Variants in PAPPA2 observed in about 807,000 individuals in gnomAD.
PAPPA2 encodes pappalysin-2.
A neutral mutation model predicts 176.4 loss-of-function variants in PAPPA2; 86 were observed. That is an observed-to-expected ratio of 0.49 (90% CI 0.41 to 0.58). The LOEUF (loss-of-function observed/expected upper bound fraction) is 0.58, where lower values mean the gene tolerates loss of function less well. PAPPA2 is among the 20% of genes least tolerant of loss of function. The probability of loss-of-function intolerance (pLI) is 0.00; values close to 1 mark genes in which losing one functional copy is unlikely to be tolerated. For synonymous variants in PAPPA2, 809 were observed against 852.2 expected (o/e 0.95, Z 0.88); for missense variants, 2,073 against 2,256.9 (o/e 0.92, Z 1.65).
intron 8 of PAPPA2, 53 bp downstream of exon 8, chr1:176,699,642 T>A (rs1205370447): frequency 5.6e-5 from 86 of 1,529,688 alleles, no homozygotes; most frequent in Non-Finnish European, 7.0e-5. Context: ...GGGTGGGTTT[T>A]GTTACTTTTC....
rs1367188169 is a variant in PAPPA2 at position 176,555,622 on chromosome 1, C to T, written c.-701C>T. On this transcript the variant is annotated 5_prime_UTR_variant, in exon 2 of 23. Transcript: ENST00000367662. ...GACAGACTGGAGGCTGGATGGGGAC[C>T]TGGCTGAAGACATCTGGAGAATGAA... The T allele has an allele frequency of 6.6e-6, 1 of 152,188 alleles. No individual in the cohort carries two copies. Among genetic ancestry groups the T allele is most frequent in the Admixed American group, 6.5e-5 (1 of 15,272 alleles). 9.4% of individuals were successfully genotyped at this position (152,188 alleles called of 1,614,324 possible).
At chr1:176,755,859 T>A (rs1179043821) in intron 14 of PAPPA2, among the ~76,000 whole-genome samples, 3 of 152,232 alleles carry the variant, frequency 2.0e-5, no homozygotes, top group Non-Finnish European at 4.4e-5. Context: ...TTAACACATA[T>A]TTGATATATC....
chr1:176,790,192 A>G (rs1410302362), intron 18 of PAPPA2, among the ~76,000 whole-genome samples: 3 of 152,190 alleles, frequency 2.0e-5, no homozygotes, highest in Non-Finnish European at 4.4e-5. Flanking sequence ...TGAGGTAAGA[A>G]GAATCCAATG....
At chr1:176,715,319 C>T (rs1219428340) in intron 12 of PAPPA2, among the ~76,000 whole-genome samples, 1 of 152,170 alleles carries the variant, frequency 6.6e-6, no homozygotes, top group African/African-American at 2.4e-5. Flanking sequence ...TAGGCCTTCT[C>T]CTGAATCAAA....
At chr1:176,590,744 T>C (rs1302640096) in intron 2 of PAPPA2, among the ~76,000 whole-genome samples, 1 of 152,184 alleles carries the variant, frequency 6.6e-6, no homozygotes, top group Non-Finnish European at 1.5e-5. Flanking sequence ...ATACAGCATG[T>C]AAGTGGTAGA....
intron 4 of PAPPA2, among the ~76,000 whole-genome samples, chr1:176,679,954 T>C (rs1659500928): frequency 6.6e-6 from 1 of 152,168 alleles, no homozygotes; most frequent in Non-Finnish European, 1.5e-5. Context: ...CTCCATAGAT[T>C]TGTGTGGATT....
chr1:176,629,667 G>T (rs1433095756), intron 3 of PAPPA2, among the ~76,000 whole-genome samples: 1 of 152,130 alleles, frequency 6.6e-6, no homozygotes, highest in East Asian at 1.9e-4. Context: ...TGGGTCTTAT[G>T]ATATAGGTTT....
rs376468856 is a variant in PAPPA2 at position 176,789,856 on chromosome 1, G to A, written c.4763G>A (p.Gly1588Asp). ...QCLEGGIWEQ[G>D]SCIPVVCEPP... ...CTGGAAGGTGGAATCTGGGAGCAAG[G>A]CAGCTGCATTCCTGTGGTGTGTGAG... Residue 1588 changes from glycine (G) to aspartate (D), a missense_variant, in exon 18 of 23, where the codon GGC becomes GAC. This residue lies in a region of PAPPA2 where 846 missense variants were observed against 857.9 expected (regional missense o/e 0.99). Coordinates refer to ENST00000367662, the MANE Select transcript of PAPPA2 (RefSeq NM_020318.3). 3 of 1,614,090 alleles carry A rather than the reference G, an allele frequency of 1.9e-6. No homozygotes were observed. The highest frequency in any genetic ancestry group is 2.5e-6 in the Non-Finnish European group (3 of 1,179,986).
intron 12 of PAPPA2, among the ~76,000 whole-genome samples, chr1:176,714,462 CT>C (rs1339528688): frequency 6.6e-6 from 1 of 151,826 alleles, no homozygotes; most frequent in African/African-American, 2.4e-5. Flanking sequence ...GGAAGGGCCC[CT>C]ATCAGGTATT....
chr1:176,513,474 C>T (rs1008091076), intron 1 of PAPPA2, among the ~76,000 whole-genome samples: 2 of 152,110 alleles, frequency 1.3e-5, no homozygotes, highest in Non-Finnish European at 2.9e-5. Flanking sequence ...TCCCTCCCTG[C>T]TTCTCACTTG....
intron 10 of PAPPA2, among the ~76,000 whole-genome samples, chr1:176,708,888 T>A (rs1183574727): frequency 6.6e-6 from 1 of 152,082 alleles, no homozygotes; most frequent in African/African-American, 2.4e-5. Flanking sequence ...TATACCTAGG[T>A]GTTGTTATTT....
intron 21 of PAPPA2, among the ~76,000 whole-genome samples, chr1:176,800,545 T>G (rs1665639807): frequency 6.6e-6 from 1 of 152,198 alleles, no homozygotes; most frequent in South Asian, 2.1e-4. Flanking sequence ...TTAGGATTTT[T>G]ACATAAAATT....
At chr1:176,486,512 T>G (rs2102487188) in intron 1 of PAPPA2, among the ~76,000 whole-genome samples, 1 of 152,194 alleles carries the variant, frequency 6.6e-6, no homozygotes, top group Non-Finnish European at 1.5e-5. Context: ...GTTACTGAGA[T>G]TTGGAAGTTA....
chr1:176,569,423 AAC>A (rs1652185798), intron 2 of PAPPA2, among the ~76,000 whole-genome samples: 1 of 152,226 alleles, frequency 6.6e-6, no homozygotes, highest in South Asian at 2.1e-4. Context: ...CTCTTTCAGG[AAC>A]TCTTCCTTGG....
chr1:176,566,930 C>A (rs992289109), intron 2 of PAPPA2, among the ~76,000 whole-genome samples: 1 of 152,164 alleles, frequency 6.6e-6, no homozygotes, highest in African/African-American at 2.4e-5. Flanking sequence ...GTATACCCTG[C>A]ACATCCATTA....
chr1:176,661,251 A>G (rs1355499327), intron 3 of PAPPA2, among the ~76,000 whole-genome samples: 1 of 152,082 alleles, frequency 6.6e-6, no homozygotes, highest in African/African-American at 2.4e-5. Context: ...CAAAAAACAG[A>G]AACCACTGTA....
intron 1 of PAPPA2, among the ~76,000 whole-genome samples, chr1:176,499,195 A>G (rs1647815209): frequency 6.6e-6 from 1 of 152,176 alleles, no homozygotes; most frequent in African/African-American, 2.4e-5. Context: ...CAATTAGTTC[A>G]GGAACATGTA....
At chr1:176,529,685 C>T (rs554682206) in intron 1 of PAPPA2, among the ~76,000 whole-genome samples, 1 of 152,326 alleles carries the variant, frequency 6.6e-6, no homozygotes, top group African/African-American at 2.4e-5. Context: ...CCATCCCAAA[C>T]AGGACACCTG....
At position 176,582,495 on chromosome 1, in the gene PAPPA2, A is replaced by G. The variant is rs574192941; in HGVS notation, c.920-12029A>G. Among the ~76,000 whole-genome samples the G allele has an allele frequency of 1.0e-3, 156 of 152,258 alleles. 1 individual carries two copies. Among genetic ancestry groups the G allele is most frequent in the Middle Eastern group, 0.01 (3 of 294 alleles). ...AAGGTACTTTCTTTCTACCTGATTT[A>G]TGAAAGTTTTTATTATTAAAGGATG... On this transcript the variant is annotated intron_variant, in intron 2 of 22. Coordinates refer to ENST00000367662, the MANE Select transcript of PAPPA2 (RefSeq NM_020318.3).
Sources: gnomAD v4.1 joint callset for allele counts (sites outside exome capture counted in the v4.1 genomes callset) on GRCh38, gnomAD v4.1.1 for gene constraint, gnomAD v4.1.1 regional missense constraint, MANE v1.5 for transcripts, NCBI Gene and HGNC (gene_info 2026-07-23, HGNC 2026-07-21) for gene names.